Variants in SFSWAP observed in about 807,000 individuals in gnomAD.
SFSWAP encodes the protein splicing factor SWAP, also known as splicing factor, suppressor of white-apricot homolog.
In SFSWAP, 17 loss-of-function variants were observed where a neutral mutation model predicts 100.7. That is an observed-to-expected ratio of 0.17 (90% confidence interval 0.12 to 0.25). SFSWAP has a LOEUF of 0.25. Among genes scored for constraint, SFSWAP ranks in the 10% least tolerant of loss-of-function variants. SFSWAP has a pLI of 1.00. For missense variants in SFSWAP, 1,005 were observed against 1,262.6 expected, an observed-to-expected ratio of 0.80 and a Z score of 3.09; for synonymous variants, 504 against 510.1, an observed-to-expected ratio of 0.99 and a Z score of 0.16.
intron 13 of SFSWAP, among the ~76,000 whole-genome samples, chr12:131,772,793 C>A (rs537638530): frequency 1.3e-5 from 2 of 152,292 alleles, no homozygotes; most frequent in Non-Finnish European, 2.9e-5. Context: ...CCTCTTGGTA[C>A]CTGAGTTCTT....
chr12:131,767,878 T>C (rs747536230), intron 13 of SFSWAP, among the ~76,000 whole-genome samples: 1 of 152,128 alleles, frequency 6.6e-6, no homozygotes, highest in Non-Finnish European at 1.5e-5. Flanking sequence ...AAAACCTCCC[T>C]GTTAGCTACT....
intron 7 of SFSWAP, among the ~76,000 whole-genome samples, chr12:131,743,171 CCCCTCCCAA>C (rs1880814904): frequency 6.6e-6 from 1 of 152,172 alleles, no homozygotes. Context: ...TCCCCTCTCA[CCCCTCCCAA>C]GTCTCACATC....
In SFSWAP at chr12:131,730,653, T is replaced by C. The variant is rs141698792; in HGVS notation, c.1081+2225T>C. On this transcript the variant is annotated intron_variant, in intron 7 of 17. Transcript: ENST00000261674. This position sits in a 1 kb window ranked among gnomAD's most constrained non-coding sequence, Gnocchi z 4.0. ...CAGGGCGGCCAGAGCCCACACACTTTGGTTTCTTCCCACCTGCTGATGGCT... is the reference window on the plus strand; with the variant it reads ...CAGGGCGGCCAGAGCCCACACACTTCGGTTTCTTCCCACCTGCTGATGGCT... Among the ~76,000 whole-genome samples the C allele has an allele frequency of 3.1e-3, 471 of 152,254 alleles. 3 individuals are homozygous for C. Among genetic ancestry groups the C allele is most frequent in the African/African-American group, 0.01 (430 of 41,546 alleles).
At chr12:131,777,159 T>C (rs1326018742) in intron 13 of SFSWAP, among the ~76,000 whole-genome samples, 1 of 152,232 alleles carries the variant, frequency 6.6e-6, no homozygotes, top group African/African-American at 2.4e-5. Flanking sequence ...TTTTTTATTA[T>C]ACTTTAAGTT....
At chr12:131,723,246 C>G (rs1408267863) in intron 4 of SFSWAP, 2 of 152,152 alleles carry the variant, frequency 1.3e-5, no homozygotes, top group Non-Finnish European at 2.9e-5. Flanking sequence ...GCCTTTTGTT[C>G]AGATTCGTAA....
At chr12:131,740,202 C>T (rs977008177) in intron 7 of SFSWAP, among the ~76,000 whole-genome samples, 2 of 152,150 alleles carry the variant, frequency 1.3e-5, no homozygotes, top group African/African-American at 4.8e-5. Flanking sequence ...TTCATTGCTC[C>T]TATGCTGCTC....
chr12:131,749,301 G>A (rs1463168907), intron 7 of SFSWAP, among the ~76,000 whole-genome samples: 1 of 152,212 alleles, frequency 6.6e-6, no homozygotes, highest in Non-Finnish European at 1.5e-5. Context: ...TGTCGTGGCA[G>A]CCTGAGGACA....
rs552450631 is a variant in SFSWAP, at chr12:131,716,685, T to C, written c.520+1732T>C. Among the ~76,000 whole-genome samples the C allele has an allele frequency of 7.9e-5, 12 of 152,362 alleles. No individual in the cohort carries two copies. The South Asian group carries it at 1.9e-3, about 24-fold the overall frequency. On this transcript the variant is annotated intron_variant, in intron 3 of 17. Coordinates refer to ENST00000261674, the MANE Select transcript of SFSWAP (RefSeq NM_004592.4). ...AATGCTCATTTGTTTACATATTGTC[T>C]GTTGCCACTTTCGCACTTCAGCAAC...
At chr12:131,780,959 C>T (rs370453610) in intron 14 of SFSWAP, among the ~76,000 whole-genome samples, 5 of 152,192 alleles carry the variant, frequency 3.3e-5, no homozygotes, top group East Asian at 3.9e-4. Context: ...CTGATATTTC[C>T]GGGTATCCTA....
At position 131,733,700 on chromosome 12, in the gene SFSWAP, CAGGACAGGCACAG is replaced by C. The variant is rs1879728041; in HGVS notation, c.1081+5278_1081+5290del. On this transcript the variant is annotated intron_variant, in intron 7 of 17. Transcript: ENST00000261674. This position sits in a 1 kb window ranked among gnomAD's most constrained non-coding sequence, Gnocchi z 5.1. ...GAAACAGCAGTCCATACAGTCCCCT[CAGGACAGGCACAG>C]AGGACTCCACCCTGGAGTCACAGGC... Among the ~76,000 whole-genome samples the C allele has an allele frequency of 6.6e-6, 1 of 152,070 alleles. No individual in the cohort carries two copies. The highest frequency in any genetic ancestry group is 1.5e-5 in the Non-Finnish European group (1 of 67,990).
chr12:131,767,247 G>T (rs562510395), intron 13 of SFSWAP, among the ~76,000 whole-genome samples: 2 of 152,250 alleles, frequency 1.3e-5, no homozygotes, highest in Non-Finnish European at 2.9e-5. Flanking sequence ...CATGCCTTCC[G>T]CAGCAGCAGC....
rs372030442 is a variant in SFSWAP at position 131,714,045 on chromosome 12, T to C, written c.219-26T>C. ...ACCAGTCTAGACGTTAATTTCCTTT[T>C]ATTGACCAGCTTGTTCACATTACAG... On this transcript the variant is annotated intron_variant, in intron 1 of 17. Coordinates refer to ENST00000261674, the MANE Select transcript of SFSWAP (RefSeq NM_004592.4). The surrounding 1 kb of genome is among the most constrained non-coding windows in gnomAD (Gnocchi z 6.0). The C allele has an allele frequency of 9.4e-6, 15 of 1,601,724 alleles. No homozygotes were observed. The African/African-American group carries it at 1.5e-4, about 16-fold the overall frequency.
intron 13 of SFSWAP, among the ~76,000 whole-genome samples, chr12:131,773,966 G>C (rs1883813089): frequency 6.6e-6 from 1 of 152,226 alleles, no homozygotes; most frequent in African/African-American, 2.4e-5. Flanking sequence ...ACCCACAAGT[G>C]GTAAAGGACA....
Position 131,778,401 on chromosome 12 carries a change from G to A in SFSWAP, c.2408+71G>A. On this transcript the variant is annotated intron_variant, in intron 14 of 17. Coordinates refer to ENST00000261674, the MANE Select transcript of SFSWAP (RefSeq NM_004592.4). This position sits in a 1 kb window ranked among gnomAD's most constrained non-coding sequence, Gnocchi z 4.2. ...TGTCCTTCACAGGACACCCAGTAGA[G>A]CTAGGTAGAACGTTTAAAATCAGTG... is the stretch of plus-strand genomic sequence containing the variant. 2 of 1,558,234 alleles carry A rather than the reference G, an allele frequency of 1.3e-6. No homozygotes were observed. Among genetic ancestry groups the A allele is most frequent in the Non-Finnish European group, 1.7e-6 (2 of 1,155,130 alleles).
chr12:131,797,228 C>G lies in SFSWAP; in HGVS notation c.2585C>G (p.Ser862Cys). 6.2e-7 allele frequency: 1 copy of G among 1,612,424 alleles called. No homozygotes were observed. The highest frequency in any genetic ancestry group is 8.5e-7 in the Non-Finnish European group (1 of 1,179,852). ...KKRRSRSRTK[S>C]KARSQSVSPS... is the part of the protein sequence containing the mutation. ...AGGCGGTCCCGGTCGCGGACCAAGT[C>G]CAAGGCCAGGTCTCAGTCGGTGTCA... The change falls in exon 16 of 18, where the codon TCC becomes TGC. Residue 862 changes from serine (S) to cysteine (C), a missense_variant. By Grantham distance (112) the Ser-to-Cys change is moderately radical (BLOSUM62 -1). Coordinates refer to ENST00000261674, the MANE Select transcript of SFSWAP (RefSeq NM_004592.4).
intron 7 of SFSWAP, among the ~76,000 whole-genome samples, chr12:131,736,634 A>G (rs1258157941): frequency 3.3e-5 from 5 of 152,280 alleles, no homozygotes; most frequent in Admixed American, 2.6e-4. Context: ...GGTTCAGCTC[A>G]GCTCCAGCGA....
intron 11 of SFSWAP, among the ~76,000 whole-genome samples, chr12:131,763,246 C>A (rs1310862425): frequency 6.6e-6 from 1 of 152,200 alleles, no homozygotes; most frequent in Admixed American, 6.5e-5. Flanking sequence ...ACAGAGGTGG[C>A]ATCACAAACA....
intron 13 of SFSWAP, among the ~76,000 whole-genome samples, chr12:131,767,593 A>G (rs1883218789): frequency 6.6e-6 from 1 of 152,232 alleles, no homozygotes; most frequent in African/African-American, 2.4e-5. Flanking sequence ...GAACTATAAT[A>G]TTAGAATGGG....
intron 16 of SFSWAP, among the ~76,000 whole-genome samples, chr12:131,797,838 G>A (rs1885794640): frequency 6.6e-6 from 1 of 152,250 alleles, no homozygotes; most frequent in South Asian, 2.1e-4. Flanking sequence ...AGGTGATAAT[G>A]ACTTCAAGTC....
Sources: gnomAD v4.1 joint callset for allele counts (sites outside exome capture counted in the v4.1 genomes callset) on GRCh38, gnomAD v4.1.1 for gene constraint, Gnocchi (gnomAD v3.1) non-coding constraint, MANE v1.5 for transcripts, NCBI Gene and HGNC (gene_info 2026-07-23, HGNC 2026-07-21) for gene names.